The following WDR87 variants were observed in gnomAD, a reference collection of about 807,000 sequenced individuals.
WDR87 encodes the protein WD repeat domain 87.
WDR87 carries 56 observed loss-of-function variants against 83.3 expected under a neutral mutation model. The observed-to-expected ratio is 0.67, with a 90% CI of 0.54 to 0.84. The LOEUF (loss-of-function observed/expected upper bound fraction) is 0.84, where lower values mean the gene tolerates loss of function less well. Ranked by LOEUF, WDR87 falls within the 40% of genes least tolerant of loss-of-function variation. WDR87 has a pLI of 0.00. For synonymous variants in WDR87, 1,173 were observed against 1,250.6 expected (o/e 0.94, Z 1.31); for missense variants, 2,939 against 3,431.9 (o/e 0.86, Z 3.59).
chr19:37,887,000 T>A lies in WDR87; in HGVS notation c.6671A>T (p.Glu2224Val), dbSNP rs541258135. The change falls in exon 6 of 6, where the codon GAA becomes GTA. Residue 2224 changes from glutamate (E) to valine (V), a missense_variant. By Grantham distance (121) the Glu-to-Val change is moderately radical. Around this residue, in one of 3 missense-constraint regions of WDR87, gnomAD observed 2,160 missense variants for 2,533.1 expected, o/e 0.85. Coordinates refer to ENST00000447313, the MANE Select transcript of WDR87 (RefSeq NM_001291088.2). ...ILDDEEEGGI[E>V]EEEVIPFLKR... ...AAGGAATGGGATTACCTCTTCTTCT[T>A]CTATTCCTCCTTCCTCTTCATCATC... 1.7e-5 allele frequency: 26 copies of A among 1,552,166 alleles called. No individual in the cohort carries two copies. The highest frequency in any genetic ancestry group is 1.7e-4 in the South Asian group (14 of 84,034).
Position 37,893,103 on chromosome 19 carries a change from C to G in WDR87, c.2600G>C (p.Arg867Thr). The G allele has an allele frequency of 2.6e-6, 4 of 1,551,762 alleles. No individual in the cohort carries two copies. The highest frequency in any genetic ancestry group is 3.5e-6 in the Non-Finnish European group (4 of 1,147,018). Residue 867 changes from arginine to threonine, a missense_variant, in exon 4 of 6, where the codon AGG (arginine) becomes ACG (threonine). Physicochemically the swap from Arg to Thr is moderately conservative, Grantham distance 71. Around this residue, in one of 3 missense-constraint regions of WDR87, gnomAD observed 2,160 missense variants for 2,533.1 expected, o/e 0.85. Coordinates refer to ENST00000447313, the MANE Select transcript of WDR87 (RefSeq NM_001291088.2). ...RSQEFFFWHS[R>T]VRAISNTEYP... ...TTCTGTATTACTTATAGCTCTTACC[C>G]TGCTGTGCCAGAAAAAGAATTCTTG... is the stretch of plus-strand genomic sequence containing the variant.
At chr19:37,890,666 A>G (rs556628283) in intron 5 of WDR87, among the ~76,000 whole-genome samples, 3 of 152,228 alleles carry the variant, frequency 2.0e-5, no homozygotes, top group South Asian at 4.1e-4. Context: ...AGGCATTTCT[A>G]TTATCCCCCT....
rs2046182132 is a variant in WDR87 at position 37,889,321 on chromosome 19, TCTTTC to T, written c.4345_4349del (p.Glu1449LysfsTer18). On this transcript the variant is annotated frameshift_variant, in exon 6 of 6. Transcript: ENST00000447313. LOFTEE classifies it low-confidence loss of function (END_TRUNC). Reference sequence around the variant, plus strand: ...TTTCCCTCTTTATTTTTCCTACTTTTCTTTCCTTCTGGACAGCTTTCCTCCCTTGC... The same window carrying T: ...TTTCCCTCTTTATTTTTCCTACTTTTCTTCTGGACAGCTTTCCTCCCTTGC... 2 of 1,551,960 alleles carry T rather than the reference TCTTTC, an allele frequency of 1.3e-6. No individual in the cohort carries two copies. Among genetic ancestry groups the T allele is most frequent in the Non-Finnish European group, 1.7e-6 (2 of 1,147,066 alleles).
chr19:37,897,521 G>C (rs1439146454), intron 2 of WDR87, among the ~76,000 whole-genome samples: 1 of 151,960 alleles, frequency 6.6e-6, no homozygotes, highest in East Asian at 1.9e-4. Context: ...TGGGATCCTT[G>C]TATGCAGAGC....
chr19:37,901,989 T>G (rs1485716293), intron 1 of WDR87, among the ~76,000 whole-genome samples: 3 of 151,686 alleles, frequency 2.0e-5, no homozygotes, highest in African/African-American at 7.3e-5. Flanking sequence ...GTGCTGGGAT[T>G]ACAGGTATGA....
chr19:37,890,119 A>G lies in WDR87; in HGVS notation c.3552T>C (p.Ser1184=), dbSNP rs1300164956. The part of the protein sequence containing the change: ...SVYSQWSSST[S]VIKLSKDVDS... The stretch of plus-strand genomic sequence containing the variant: ...CAACATCTTTTGAGAGCTTTATTAC[A>G]CTGGTGCTTGAAGACCATTGGGAAT... The change falls in exon 6 of 6, where the codon AGT becomes AGC. Residue 1184 remains serine (S), a synonymous_variant. Coordinates refer to ENST00000447313, the MANE Select transcript of WDR87 (RefSeq NM_001291088.2). The G allele has an allele frequency of 1.3e-6, 2 of 1,551,924 alleles. No individual in the cohort carries two copies. Among genetic ancestry groups the G allele is most frequent in the Admixed American group, 2.0e-5 (1 of 50,992 alleles).
At position 37,889,378 on chromosome 19, in the gene WDR87, C is replaced by T; in HGVS notation, c.4293G>A (p.Glu1431=). ...TAGGTGACTTCTGAAAGGTTTTCTTCTCTTCTTTCTTTGATATTTCTTTTC... is the reference window on the plus strand; with the variant it reads ...TAGGTGACTTCTGAAAGGTTTTCTTTTCTTCTTTCTTTGATATTTCTTTTC... ...TMGKEISKKE[E]KKTFQKSPKQ... Residue 1431 remains glutamate, a synonymous_variant, in exon 6 of 6, where the codon GAG becomes GAA. Transcript: ENST00000447313. 1 of 1,551,462 alleles carries T rather than the reference C, an allele frequency of 6.4e-7. No individual in the cohort carries two copies. Among genetic ancestry groups the T allele is most frequent in the Non-Finnish European group, 8.7e-7 (1 of 1,146,982 alleles).
At chr19:37,892,022 G>A (rs2046209870) in intron 4 of WDR87, among the ~76,000 whole-genome samples, 1 of 152,090 alleles carries the variant, frequency 6.6e-6, no homozygotes, top group African/African-American at 2.4e-5. Flanking sequence ...CTGTATTGGA[G>A]GCTGTAGAAG....
chr19:37,898,427 A>T (rs1377072612), intron 1 of WDR87, 142 bp from the exon 2 acceptor site: 12 of 1,115,910 alleles, frequency 1.1e-5, no homozygotes, highest in Non-Finnish European at 1.5e-5. Flanking sequence ...TTCTCATTTC[A>T]TCCACTCTAC....
intron 1 of WDR87, among the ~76,000 whole-genome samples, chr19:37,899,796 G>A (rs2046282789): frequency 6.6e-6 from 1 of 152,062 alleles, no homozygotes; most frequent in African/African-American, 2.4e-5. Flanking sequence ...GTGGGGGTGG[G>A]GTAGGGATGA....
chr19:37,895,460 G>A lies in WDR87; in HGVS notation c.247-4C>T, dbSNP rs1427402049. ...TGCTCTTCATCCATGCTACAGCCTAGAAGAGAATAAGAAGGAAACTGCCTA... is the reference window on the plus strand; with the variant it reads ...TGCTCTTCATCCATGCTACAGCCTAAAAGAGAATAAGAAGGAAACTGCCTA... On this transcript the variant is annotated splice_polypyrimidine_tract_variant and splice_region_variant and intron_variant, in intron 3 of 5. Coordinates refer to ENST00000447313, the MANE Select transcript of WDR87 (RefSeq NM_001291088.2). 6.5e-7 allele frequency: 1 copy of A among 1,548,170 alleles called. No individual in the cohort carries two copies. The highest frequency in any genetic ancestry group is 1.4e-5 in the African/African-American group (1 of 72,854).
In WDR87 at chr19:37,885,214, T is replaced by C. The variant is rs961499644; in HGVS notation, c.8457A>G (p.Glu2819=). The change falls in exon 6 of 6, where the codon GAA becomes GAG. Residue 2819 remains glutamate, a synonymous_variant. Coordinates refer to ENST00000447313, the MANE Select transcript of WDR87 (RefSeq NM_001291088.2). Reference sequence around the variant, plus strand: ...CGTAGATGATCTCTTGGGGTTGAGGTTCCTCTCTCATTAGCAGCTCCTGAA... The same window carrying C: ...CGTAGATGATCTCTTGGGGTTGAGGCTCCTCTCTCATTAGCAGCTCCTGAA... ...KLLQELLMRE[E]PQPQEIIYEE... The C allele has an allele frequency of 2.7e-6, 4 of 1,489,968 alleles. No individual in the cohort carries two copies. The highest frequency in any genetic ancestry group is 2.7e-6 in the Non-Finnish European group (3 of 1,121,554). The allele number at this position is 1,489,968 out of a possible 1,614,324, so 92.3% of individuals were successfully genotyped here.
chr19:37,886,336 C>T lies in WDR87; in HGVS notation c.7335G>A (p.Val2445=). 1 of 1,551,608 alleles carries T rather than the reference C, an allele frequency of 6.4e-7. No individual in the cohort carries two copies. Among genetic ancestry groups the T allele is most frequent in the Non-Finnish European group, 8.7e-7 (1 of 1,146,992 alleles). Residue 2445 remains valine (V), a synonymous_variant, in exon 6 of 6, where the codon GTG becomes GTA. Transcript: ENST00000447313. ...TALEMKEKTP[V]PVPEKQISWE... is the part of the protein sequence containing the mutation. ...AGGATATTTGTTTCTCCGGCACTGG[C>T]ACTGGTGTTTTCTCTTTCATCTCCA...
chr19:37,900,264 G>T (rs933738995), intron 1 of WDR87, among the ~76,000 whole-genome samples: 1 of 152,100 alleles, frequency 6.6e-6, no homozygotes, highest in African/African-American at 2.4e-5. Flanking sequence ...ACAAAGGGCA[G>T]ATCAAGACTA....
At position 37,889,583 on chromosome 19, in the gene WDR87, A is replaced by G; in HGVS notation, c.4088T>C (p.Ile1363Thr). Residue 1363 changes from isoleucine to threonine, a missense_variant, in exon 6 of 6, where the codon ATT becomes ACT. This residue lies in a region of WDR87 where 2,160 missense variants were observed against 2,533.1 expected (regional missense o/e 0.85). Transcript: ENST00000447313. Reference protein sequence around the residue: ...KKPIFIQEGAIREDMIQGVTQ... With the variant: ...KKPIFIQEGATREDMIQGVTQ... ...CACACCTTGTATCATGTCCTCTCTA[A>G]TTGCTCCTTCCTGGATAAAAATTGG... 11 of 1,551,526 alleles carry G rather than the reference A, an allele frequency of 7.1e-6. No individual in the cohort carries two copies. The highest frequency in any genetic ancestry group is 9.6e-6 in the Non-Finnish European group (11 of 1,146,984).
At chr19:37,904,643 T>A (rs984495482) in intron 1 of WDR87, among the ~76,000 whole-genome samples, 5 of 152,106 alleles carry the variant, frequency 3.3e-5, no homozygotes, top group Non-Finnish European at 2.9e-5. Flanking sequence ...CGTGAGCCAC[T>A]GTGCCTGGCC....
intron 1 of WDR87, among the ~76,000 whole-genome samples, chr19:37,898,865 C>G (rs2046275539): frequency 6.6e-6 from 1 of 152,178 alleles, no homozygotes; most frequent in Non-Finnish European, 1.5e-5. Flanking sequence ...CAGCAGAGGG[C>G]AACGGAGGCC....
Position 37,895,364 on chromosome 19 carries a change from G to A in WDR87, c.339C>T (p.Val113=). The A allele has an allele frequency of 2.6e-6, 4 of 1,551,762 alleles. No homozygotes were observed. Among genetic ancestry groups the A allele is most frequent in the Non-Finnish European group, 3.5e-6 (4 of 1,147,018 alleles). ...TERLPPIQSM[V]HAGSFHILVV... The stretch of plus-strand genomic sequence containing the variant: ...CGAGGATATGAAAGGAGCCTGCATG[G>A]ACCATGGACTGGATGGGTGGCAATC... Residue 113 remains valine, a synonymous_variant, in exon 4 of 6, where the codon GTC becomes GTT. Coordinates refer to ENST00000447313, the MANE Select transcript of WDR87 (RefSeq NM_001291088.2).
Position 37,893,280 on chromosome 19 carries a change from T to C in WDR87, c.2423A>G (p.Tyr808Cys). ...DGLNPYQILR[Y>C]YFGHGREWLF... ...CCATTCCCGCCCATGACCAAAGTAG[T>C]ATCGCAATATCTGATAGGGGTTGAG... is the stretch of plus-strand genomic sequence containing the variant. The change falls in exon 4 of 6, where the codon TAC becomes TGC. Residue 808 changes from tyrosine to cysteine, a missense_variant. This residue lies in a region of WDR87 where 2,160 missense variants were observed against 2,533.1 expected (regional missense o/e 0.85). Transcript: ENST00000447313. 1 of 1,551,770 alleles carries C rather than the reference T, an allele frequency of 6.4e-7. No homozygotes were observed. The highest frequency in any genetic ancestry group is 8.7e-7 in the Non-Finnish European group (1 of 1,146,972).
Sources: allele counts gnomAD v4.1 joint callset (sites outside exome capture counted in the v4.1 genomes callset), GRCh38; gene constraint gnomAD v4.1.1; regional missense constraint gnomAD v4.1.1; transcripts MANE v1.5; gene names NCBI Gene and HGNC (gene_info 2026-07-23, HGNC 2026-07-21).